Variants in EPHA10 observed in about 807,000 individuals in gnomAD.
EPHA10 encodes EPH receptor A10, also known as ephrin type-A receptor 10.
Under a neutral mutation model 109.7 loss-of-function variants are expected in EPHA10, and 120 were observed. The observed-to-expected ratio is 1.09, with a 90% CI of 0.94 to 1.27. The LOEUF (loss-of-function observed/expected upper bound fraction) is 1.27, where lower values mean the gene tolerates loss of function less well. Ranked by LOEUF, EPHA10 falls within the 50% of genes most tolerant of loss-of-function variation. The probability of loss-of-function intolerance (pLI) is 0.00; values close to 1 mark genes in which losing one functional copy is unlikely to be tolerated. For missense variants in EPHA10, 1,396 were observed against 1,411.1 expected, an observed-to-expected ratio of 0.99 and a Z score of 0.17; for synonymous variants, 640 against 618.9, an observed-to-expected ratio of 1.03 and a Z score of -0.51.
rs1645696124 is a variant in EPHA10 at position 37,716,699 on chromosome 1, T to C, written c.*1673A>G. 1 of 232,872 alleles carries C rather than the reference T, an allele frequency of 4.3e-6. No individual in the cohort carries two copies. Among genetic ancestry groups the C allele is most frequent in the Non-Finnish European group, 8.5e-6 (1 of 117,804 alleles). 14.4% of individuals were successfully genotyped at this position (232,872 alleles called of 1,614,324 possible). Reference sequence around the variant, plus strand: ...CCCGCCTCTGGGCTCTTTCTCATGCTAGCCTCTCTGCATGGACTCCTTTTG... The same window carrying C: ...CCCGCCTCTGGGCTCTTTCTCATGCCAGCCTCTCTGCATGGACTCCTTTTG... On this transcript the variant is annotated 3_prime_UTR_variant, in exon 17 of 17. Transcript: ENST00000373048.
At chr1:37,746,755 C>A (rs977581308) in intron 5 of EPHA10, among the ~76,000 whole-genome samples, 8 of 152,166 alleles carry the variant, frequency 5.3e-5, no homozygotes, top group African/African-American at 1.9e-4. Flanking sequence ...AAATTGTGGT[C>A]TATCCATGCA....
chr1:37,752,280 T>G (rs1467317620), intron 5 of EPHA10, among the ~76,000 whole-genome samples: 2 of 152,118 alleles, frequency 1.3e-5, no homozygotes, highest in Non-Finnish European at 2.9e-5. Flanking sequence ...GCTGGTGTGT[T>G]CCATCGCCCC....
intron 6 of EPHA10, among the ~76,000 whole-genome samples, chr1:37,732,229 G>A (rs1456816913): frequency 6.6e-6 from 1 of 152,070 alleles, no homozygotes; most frequent in Admixed American, 6.5e-5. Context: ...CAGCCCTGTG[G>A]AGTCAGCATT....
intron 5 of EPHA10, among the ~76,000 whole-genome samples, chr1:37,747,419 T>C (rs1646256245): frequency 6.6e-6 from 1 of 151,918 alleles, no homozygotes; most frequent in Non-Finnish European, 1.5e-5. Context: ...GGCGTAGTGG[T>C]GTGCACCTGT....
Position 37,721,726 on chromosome 1 carries a change from C to T in EPHA10, c.2080G>A (p.Glu694Lys), listed in dbSNP as rs200657467. 23 of 1,612,298 alleles carry T rather than the reference C, an allele frequency of 1.4e-5. No individual in the cohort carries two copies. Among genetic ancestry groups the T allele is most frequent in the African/African-American group, 4.0e-5 (3 of 74,896 alleles). ...SDSQRLGFLA[E>K]ALTLGQFDHS... is the part of the protein sequence containing the mutation. ...TCAAACTGGCCCAGCGTGAGGGCCT[C>T]GGCCAGGAAGCCGAGCCTCTGTGAG... The change falls in exon 11 of 17, where the codon GAG becomes AAG. Residue 694 changes from glutamate to lysine, a missense_variant. Physicochemically the swap from Glu to Lys is moderately conservative, Grantham distance 56. Coordinates refer to ENST00000373048, the MANE Select transcript of EPHA10 (RefSeq NM_001099439.2).
chr1:37,719,717 C>T (rs1645756376), intron 14 of EPHA10, 110 bp from the exon 15 acceptor site: 1 of 1,405,714 alleles, frequency 7.1e-7, no homozygotes, highest in Non-Finnish European at 9.8e-7. Flanking sequence ...CACACATGCG[C>T]ACACACAGAC....
At chr1:37,734,648 C>A (rs1233454960) in intron 6 of EPHA10, 1 of 456,046 alleles carries the variant, frequency 2.2e-6, no homozygotes, top group Non-Finnish European at 4.4e-6. Context: ...CACAGATTGA[C>A]AATGGATACA....
chr1:37,740,496 G>C (rs1424315815), intron 5 of EPHA10, among the ~76,000 whole-genome samples: 5 of 151,952 alleles, frequency 3.3e-5, no homozygotes, highest in Non-Finnish European at 7.4e-5. Context: ...TAGTAGAGAC[G>C]GGGTTTCACC....
intron 6 of EPHA10, among the ~76,000 whole-genome samples, chr1:37,733,430 G>A (rs1000363892): frequency 1.4e-4 from 22 of 152,090 alleles, no homozygotes; most frequent in African/African-American, 5.3e-4. Flanking sequence ...TGTTGCCCAG[G>A]CTGGTCTTGA....
chr1:37,732,385 C>T (rs970256774), intron 6 of EPHA10, among the ~76,000 whole-genome samples: 7 of 152,278 alleles, frequency 4.6e-5, no homozygotes, highest in African/African-American at 1.7e-4. Context: ...AGAGATGCTC[C>T]TCCCGTCGTT....
At chr1:37,755,302 G>A (rs1017427218) in intron 3 of EPHA10, among the ~76,000 whole-genome samples, 11 of 151,236 alleles carry the variant, frequency 7.3e-5, no homozygotes, top group African/African-American at 2.2e-4. Flanking sequence ...CCACAGTTAC[G>A]CAGGGACAGA....
chr1:37,735,893 A>G (rs921901952), intron 5 of EPHA10, among the ~76,000 whole-genome samples: 2 of 152,218 alleles, frequency 1.3e-5, no homozygotes, highest in Admixed American at 1.3e-4. Context: ...AGTGAGCATC[A>G]TACCCAATGG....
At position 37,749,071 on chromosome 1, in the gene EPHA10, C is replaced by CA. The variant is rs369124585; in HGVS notation, c.1357+3804dup. On this transcript the variant is annotated intron_variant, in intron 5 of 16. Transcript: ENST00000373048. ...CCCAGTAGCTAGGATTACAGGTGTG[C>CA]ACCACCACGCCTGGCTAATTTTTTT... Among the ~76,000 whole-genome samples the CA allele has an allele frequency of 5.4e-4, 82 of 151,896 alleles. No homozygotes were observed. In the Middle Eastern group the frequency reaches 0.017, roughly 32 times the overall value.
At chr1:37,714,945 G>A (rs1030015859), downstream of EPHA10, 3 of 152,200 alleles carry the variant, frequency 2.0e-5, no homozygotes, top group African/African-American at 7.2e-5. Context: ...TGTTACAGTA[G>A]CCCAAGCAAA....
At chr1:37,752,266 A>G (rs575300245) in intron 5 of EPHA10, among the ~76,000 whole-genome samples, 2 of 152,282 alleles carry the variant, frequency 1.3e-5, no homozygotes, top group East Asian at 3.9e-4. Flanking sequence ...TCAGAGATGT[A>G]TTGGCTGGTG....
At chr1:37,736,881 A>AAACTT (rs1646080027) in intron 5 of EPHA10, among the ~76,000 whole-genome samples, 1 of 152,208 alleles carries the variant, frequency 6.6e-6, no homozygotes, top group African/African-American at 2.4e-5. Flanking sequence ...ACTTAGACAT[A>AAACTT]AACTTAACCA....
At chr1:37,749,092 T>G (rs1422106360) in intron 5 of EPHA10, among the ~76,000 whole-genome samples, 1 of 151,640 alleles carries the variant, frequency 6.6e-6, no homozygotes, top group Non-Finnish European at 1.5e-5. Flanking sequence ...CTGGCTAATT[T>G]TTTTTATTTT....
At chr1:37,720,703 G>T (rs1408440628) in intron 12 of EPHA10, 80 bp downstream of exon 12, 1 of 1,573,226 alleles carries the variant, frequency 6.4e-7, no homozygotes, top group Non-Finnish European at 8.7e-7. Context: ...CCAATTCCAA[G>T]CCCTACCAAA....
At chr1:37,741,604 G>T (rs1646154584) in intron 5 of EPHA10, among the ~76,000 whole-genome samples, 1 of 152,098 alleles carries the variant, frequency 6.6e-6, no homozygotes. Context: ...GAGTAGAGTG[G>T]CACATTTCTA....
Sources: gnomAD v4.1 joint callset for allele counts (sites outside exome capture counted in the v4.1 genomes callset) on GRCh38, gnomAD v4.1.1 for gene constraint, MANE v1.5 for transcripts, NCBI Gene and HGNC (gene_info 2026-07-23, HGNC 2026-07-21) for gene names.